The following RAB11FIP2 variants were observed in gnomAD, a reference collection of about 807,000 sequenced individuals.
The protein encoded by RAB11FIP2 is rab11 family-interacting protein 2.
RAB11FIP2 carries 16 observed loss-of-function variants against 40.9 expected under a neutral mutation model. That is an observed-to-expected ratio of 0.39 (90% CI 0.26 to 0.59). RAB11FIP2 has a LOEUF of 0.59. Among genes scored for constraint, RAB11FIP2 ranks in the 20% least tolerant of loss-of-function variants. The pLI, the probability that RAB11FIP2 is intolerant of heterozygous loss-of-function variation, is 0.53. For missense variants in RAB11FIP2, 532 were observed against 606.2 expected (o/e 0.88, Z 1.28); for synonymous variants, 228 against 213.7 (o/e 1.07, Z -0.58).
chr10:118,035,445 T>C (rs1234518939), intron 3 of RAB11FIP2, among the ~76,000 whole-genome samples: 2 of 152,146 alleles, frequency 1.3e-5, no homozygotes, highest in African/African-American at 2.4e-5. Context: ...TGGATCTGTT[T>C]TCAGTCTATT....
chr10:118,008,896 T>C lies in RAB11FIP2; in HGVS notation c.*102A>G, dbSNP rs1422025063. The stretch of plus-strand genomic sequence containing the variant: ...CTTCACAATAAAGGAGAATATGTAA[T>C]GAAACCTGATAGTGTAGTCTCTTTC... On this transcript the variant is annotated 3_prime_UTR_variant, in exon 5 of 5. Coordinates refer to ENST00000355624, the MANE Select transcript of RAB11FIP2 (RefSeq NM_014904.3). 1 of 926,582 alleles carries C rather than the reference T, an allele frequency of 1.1e-6. No individual in the cohort carries two copies. The highest frequency in any genetic ancestry group is 1.7e-6 in the Non-Finnish European group (1 of 600,198). 57.4% of individuals were successfully genotyped at this position (926,582 alleles called of 1,614,324 possible). A position where few individuals can be genotyped will look rare whatever the true frequency, so the allele number is the denominator to read the frequency against.
intron 3 of RAB11FIP2, among the ~76,000 whole-genome samples, chr10:118,021,250 G>A (rs970450990): frequency 6.6e-6 from 1 of 152,166 alleles, no homozygotes; most frequent in African/African-American, 2.4e-5. Context: ...ACTTGGATTT[G>A]AATAATACCA....
In RAB11FIP2 at chr10:118,008,685, G is replaced by C. The variant is rs1253897969; in HGVS notation, c.*313C>G. ...AATCTATTCCTGAGGAACAACTCAC[G>C]TACTTCTGAAGATATTTCTGGGCCT... On this transcript the variant is annotated 3_prime_UTR_variant, in exon 5 of 5. Transcript: ENST00000355624. 4.0e-6 allele frequency: 1 copy of C among 248,052 alleles called. No homozygotes were observed. The highest frequency in any genetic ancestry group is 7.8e-6 in the Non-Finnish European group (1 of 127,472). The allele number at this position is 248,052 out of a possible 1,614,324, so 15.4% of individuals were successfully genotyped here. A position where few individuals can be genotyped will look rare whatever the true frequency, so the allele number is the denominator to read the frequency against.
Position 118,040,590 on chromosome 10 carries a change from G to A in RAB11FIP2, c.354-25C>T, listed in dbSNP as rs1361459273. On this transcript the variant is annotated intron_variant, in intron 1 of 4. Transcript: ENST00000355624. The stretch of plus-strand genomic sequence containing the variant: ...CCTTAAAGAGAAGAAAAAAAAATTG[G>A]CTGTAACACATAATAGAGAGAGGAT... 1.0e-5 allele frequency: 15 copies of A among 1,498,884 alleles called. No homozygotes were observed. In the East Asian group the frequency reaches 2.3e-4, roughly 23 times the overall value. The allele number at this position is 1,498,884 out of a possible 1,614,324, so 92.8% of individuals were successfully genotyped here.
intron 3 of RAB11FIP2, among the ~76,000 whole-genome samples, chr10:118,033,542 G>A (rs1846443612): frequency 6.6e-6 from 1 of 152,142 alleles, no homozygotes. Flanking sequence ...TCAGAGATGA[G>A]TTGAGAGTGC....
intron 1 of RAB11FIP2, among the ~76,000 whole-genome samples, chr10:118,042,126 G>T (rs1025838887): frequency 6.6e-6 from 1 of 152,054 alleles, no homozygotes; most frequent in East Asian, 1.9e-4. Flanking sequence ...CACATCTGAC[G>T]AACAGTAGCT....
At position 118,040,355 on chromosome 10, in the gene RAB11FIP2, AATG is replaced by A; in HGVS notation, c.561_563del (p.Ile188del). 1 of 1,613,844 alleles carries A rather than the reference AATG, an allele frequency of 6.2e-7. No individual in the cohort carries two copies. The highest frequency in any genetic ancestry group is 8.5e-7 in the Non-Finnish European group (1 of 1,179,762). ...TGGCATCGGGCATGTGAGTACTTGG[AATG>A]ATTGCAGAAGACGTATCAGAAAATG... On this transcript the variant is annotated inframe_deletion, in exon 2 of 5. Coordinates refer to ENST00000355624, the MANE Select transcript of RAB11FIP2 (RefSeq NM_014904.3).
chr10:118,037,388 A>T (rs1410254754), intron 3 of RAB11FIP2, among the ~76,000 whole-genome samples: 1 of 152,138 alleles, frequency 6.6e-6, no homozygotes, highest in Non-Finnish European at 1.5e-5. Flanking sequence ...TTTAAATGCA[A>T]ATTTTTAAAA....
intron 3 of RAB11FIP2, among the ~76,000 whole-genome samples, chr10:118,038,275 T>C (rs1175368846): frequency 2.0e-5 from 3 of 150,992 alleles, no homozygotes; most frequent in Non-Finnish European, 4.4e-5. Context: ...TAGATATAGA[T>C]TTAAATTTAG....
intron 3 of RAB11FIP2, among the ~76,000 whole-genome samples, chr10:118,034,404 C>A (rs1846456258): frequency 1.3e-5 from 2 of 150,442 alleles, no homozygotes; most frequent in South Asian, 4.2e-4. Flanking sequence ...GGTGAAGACA[C>A]ACACCCATCA....
At chr10:118,018,516 AT>A (rs1456727604) in intron 3 of RAB11FIP2, among the ~76,000 whole-genome samples, 3 of 152,240 alleles carry the variant, frequency 2.0e-5, no homozygotes, top group Non-Finnish European at 4.4e-5. Flanking sequence ...TTAAATTAGT[AT>A]TTTAAAAGTT....
chr10:118,041,605 A>G (rs1277435100), intron 1 of RAB11FIP2, among the ~76,000 whole-genome samples: 1 of 152,148 alleles, frequency 6.6e-6, no homozygotes, highest in African/African-American at 2.4e-5. Flanking sequence ...TATTATTTAA[A>G]TATAGCTCTA....
At chr10:118,011,898 C>T (rs926780451) in intron 4 of RAB11FIP2, among the ~76,000 whole-genome samples, 1 of 152,036 alleles carries the variant, frequency 6.6e-6, no homozygotes, top group East Asian at 1.9e-4. Flanking sequence ...ATAATAAAAG[C>T]ATCTATTCAA....
rs1313880491 is a variant in RAB11FIP2 at position 118,006,817 on chromosome 10, C to T, written c.*2181G>A. ...AATTTTGATTGAGTTATAACCAAAT[C>T]ACTCATGTATGAATAAAGCTAAGCC... On this transcript the variant is annotated 3_prime_UTR_variant, in exon 5 of 5. Transcript: ENST00000355624. 6.6e-6 allele frequency: 1 copy of T among 152,058 alleles called. No individual in the cohort carries two copies. Among genetic ancestry groups the T allele is most frequent in the Non-Finnish European group, 1.5e-5 (1 of 67,888 alleles). The allele number at this position is 152,058 out of a possible 1,614,324, so 9.4% of individuals were successfully genotyped here.
intron 4 of RAB11FIP2, among the ~76,000 whole-genome samples, chr10:118,011,592 C>T (rs897860280): frequency 3.3e-5 from 5 of 152,116 alleles, no homozygotes; most frequent in East Asian, 1.9e-4. Context: ...TACTTCAACT[C>T]GAGTAATTCT....
Position 118,039,259 on chromosome 10 carries a change from T to C in RAB11FIP2, c.978A>G (p.Glu326=), listed in dbSNP as rs1362846189. The change falls in exon 3 of 5, where the codon GAA becomes GAG. Residue 326 remains glutamate (E), a synonymous_variant. Coordinates refer to ENST00000355624, the MANE Select transcript of RAB11FIP2 (RefSeq NM_014904.3). ...ATLPRKKNPF[E]ESSETWDSSM... Reference sequence around the variant, plus strand: ...TGCTGTCCCATGTTTCGCTGCTTTCTTCAAATGGATTTTTCTTCCTTGGCA... The same window carrying C: ...TGCTGTCCCATGTTTCGCTGCTTTCCTCAAATGGATTTTTCTTCCTTGGCA... The C allele has an allele frequency of 1.2e-6, 2 of 1,613,802 alleles. No homozygotes were observed. The highest frequency in any genetic ancestry group is 2.2e-5 in the South Asian group (2 of 91,076).
At position 118,019,456 on chromosome 10, in the gene RAB11FIP2, T is replaced by A. The variant is rs117265810; in HGVS notation, c.1266-4346A>T. On this transcript the variant is annotated intron_variant, in intron 3 of 4. Transcript: ENST00000355624. ...GGCAAATAAGTATAACTTCAAATTA[T>A]CACAGAAGAACTGACATTAACTATT... Among the ~76,000 whole-genome samples, 256 of 152,274 alleles carry A rather than the reference T, an allele frequency of 1.7e-3. 3 individuals are homozygous for A. In the East Asian group the frequency reaches 0.03, roughly 18 times the overall value.
chr10:118,037,797 T>A (rs1413468402), intron 3 of RAB11FIP2, among the ~76,000 whole-genome samples: 1 of 152,034 alleles, frequency 6.6e-6, no homozygotes. Context: ...TACAGTCATC[T>A]CTCAGTATCT....
rs558883861 is a variant in RAB11FIP2 at position 118,011,242 on chromosome 10, G to C, written c.1312-2017C>G. Among the ~76,000 whole-genome samples the C allele has an allele frequency of 2.0e-5, 3 of 152,182 alleles. No homozygotes were observed. In the East Asian group the frequency reaches 5.8e-4, roughly 29 times the overall value. On this transcript the variant is annotated intron_variant, in intron 4 of 4. Transcript: ENST00000355624. ...ATTTTAGCATTAGAAACTGGAAACA[G>C]ATGTAAGTTTCAGTCATATTTCCTT...
Sources: gnomAD v4.1 joint callset for allele counts (sites outside exome capture counted in the v4.1 genomes callset) on GRCh38, gnomAD v4.1.1 for gene constraint, MANE v1.5 for transcripts, NCBI Gene and HGNC (gene_info 2026-07-23, HGNC 2026-07-21) for gene names.